OSMR: variants seen among roughly 807,000 people sequenced by gnomAD.
OSMR encodes oncostatin M receptor, also known as oncostatin-M-specific receptor subunit beta.
A neutral mutation model predicts 99.9 loss-of-function variants in OSMR; 81 were observed. The observed-to-expected ratio is 0.81, with a 90% CI of 0.68 to 0.97. The LOEUF is 0.97. OSMR is among the 50% of genes least tolerant of loss of function. OSMR has a pLI of 0.00. For missense variants in OSMR, 1,099 were observed against 1,153.4 expected (o/e 0.95, Z 0.68); for synonymous variants, 406 against 410.4 (o/e 0.99, Z 0.13).
At position 38,854,923 on chromosome 5, in the gene OSMR, T is replaced by C. The variant is rs140216853; in HGVS notation, c.-14+8536T>C. Among the ~76,000 whole-genome samples, 433 of 152,338 alleles carry C rather than the reference T, an allele frequency of 2.8e-3. 2 individuals carry two copies. Among genetic ancestry groups the C allele is most frequent in the African/African-American group, 0.01 (422 of 41,570 alleles). Reference sequence around the variant, plus strand: ...CACTTCCCTGACTTCCTTTTCTCACTGGAAGTTGGAAGTAGCAGTGCTCCT... The same window carrying C: ...CACTTCCCTGACTTCCTTTTCTCACCGGAAGTTGGAAGTAGCAGTGCTCCT... On this transcript the variant is annotated intron_variant, in intron 1 of 17. Transcript: ENST00000274276.
At chr5:38,909,387 C>T in intron 9 of OSMR, among the ~76,000 whole-genome samples, 1 of 152,096 alleles carries the variant, frequency 6.6e-6, no homozygotes, top group East Asian at 1.9e-4. Flanking sequence ...AGGTACTATA[C>T]AAGATGACCA....
chr5:38,944,376 A>G (rs921602865), intron 2 of OSMR: 17 of 1,472,496 alleles, frequency 1.2e-5, no homozygotes, highest in African/African-American at 1.4e-5. Context: ...CTTTTGAAGT[A>G]TTTCAAGTAT....
chr5:38,891,532 G>T (rs1232423506), intron 7 of OSMR, among the ~76,000 whole-genome samples: 1 of 152,206 alleles, frequency 6.6e-6, no homozygotes, highest in African/African-American at 2.4e-5. Context: ...GGACTGGTGT[G>T]GAGCCAGGGG....
At chr5:38,923,940 A>C (rs746637838) in intron 13 of OSMR, among the ~76,000 whole-genome samples, 2 of 152,130 alleles carry the variant, frequency 1.3e-5, no homozygotes, top group Admixed American at 6.5e-5. Flanking sequence ...TTTCAGTGAC[A>C]CTTGGATAAG....
At chr5:38,881,804 A>G in intron 4 of OSMR, 40 bp downstream of exon 4, 1 of 1,523,652 alleles carries the variant, frequency 6.6e-7, no homozygotes, top group African/African-American at 1.4e-5. Context: ...AAGGGTTAAT[A>G]TATTTTTTAA....
chr5:38,939,757 T>C (rs1018180235), downstream of OSMR: 1 of 227,986 alleles, frequency 4.4e-6, no homozygotes, highest in East Asian at 6.4e-5. Flanking sequence ...AACTACAGTA[T>C]TGACATTATT....
chr5:38,876,036 A>T (rs1742800868), intron 2 of OSMR, 165 bp from the exon 3 acceptor site: 1 of 486,640 alleles, frequency 2.1e-6, no homozygotes, highest in East Asian at 1.5e-4. Context: ...CTGCTAAGTG[A>T]TTTCTAAATT....
chr5:38,885,443 G>T lies in OSMR; in HGVS notation c.798G>T (p.Gly266=). The T allele has an allele frequency of 6.2e-7, 1 of 1,614,076 alleles. No individual in the cohort carries two copies. Among genetic ancestry groups the T allele is most frequent in the Non-Finnish European group, 8.5e-7 (1 of 1,179,916 alleles). ...ATCCTGGGACGGACACTGCCTTGGG[G>T]TGGTCTAAACAACCTTCCCAAAGCT... is the stretch of plus-strand genomic sequence containing the variant. ...TWDPGTDTAL[G]WSKQPSQSYT... is the part of the protein sequence containing the mutation. Residue 266 remains glycine (G), a synonymous_variant, in exon 6 of 18, where the codon GGG becomes GGT. Transcript: ENST00000274276.
chr5:38,894,693 A>G (rs1233176931), intron 7 of OSMR, among the ~76,000 whole-genome samples: 1 of 151,298 alleles, frequency 6.6e-6, no homozygotes, highest in Non-Finnish European at 1.5e-5. Flanking sequence ...CCAGGTTCAT[A>G]AAACAAGTAC....
Position 38,931,906 on chromosome 5 carries a change from C to T in OSMR, c.2236C>T (p.Leu746=), listed in dbSNP as rs754902443. 5 of 1,613,508 alleles carry T rather than the reference C, an allele frequency of 3.1e-6. No homozygotes were observed. Among genetic ancestry groups the T allele is most frequent in the Admixed American group, 3.3e-5 (2 of 60,004 alleles). ...AGCCTCGATGCTGATTCATATCCTA[C>T]TGCCCATGGTTTTCTGCGTCTTGCT... ...EHSSMLIHIL[L]PMVFCVLLIM... Residue 746 remains leucine, a synonymous_variant, in exon 16 of 18, where the codon CTG becomes TTG. Coordinates refer to ENST00000274276, the MANE Select transcript of OSMR (RefSeq NM_003999.3).
intron 7 of OSMR, 194 bp downstream of exon 7, chr5:38,886,384 A>G: frequency 1.4e-6 from 2 of 1,405,854 alleles, no homozygotes; most frequent in Non-Finnish European, 1.8e-6. Flanking sequence ...TCTTTTAATA[A>G]TGTCACGAGC....
intron 1 of OSMR, among the ~76,000 whole-genome samples, chr5:38,852,344 A>C (rs904665893): frequency 6.6e-6 from 1 of 152,236 alleles, no homozygotes; most frequent in Non-Finnish European, 1.5e-5. Context: ...TTTCTGGATC[A>C]AGAGAAATAC....
At position 38,903,979 on chromosome 5, in the gene OSMR, A is replaced by G. The variant is rs763736853; in HGVS notation, c.1089A>G (p.Thr363=). ...TGCACTCCATAAGGAATAATTTCAC[A>G]TATTTGTGTCAGATTGAACTCCATG... ...WKVHSIRNNF[T]YLCQIELHGE... is the part of the protein sequence containing the mutation. Residue 363 remains threonine, a synonymous_variant, in exon 8 of 18, where the codon ACA becomes ACG. Transcript: ENST00000274276. 7 of 1,613,964 alleles carry G rather than the reference A, an allele frequency of 4.3e-6. No homozygotes were observed. In the East Asian group the frequency reaches 6.7e-5, roughly 15 times the overall value.
At chr5:38,926,735 C>A (rs1355577524) in intron 15 of OSMR, among the ~76,000 whole-genome samples, 1 of 152,144 alleles carries the variant, frequency 6.6e-6, no homozygotes, top group Non-Finnish European at 1.5e-5. Flanking sequence ...TGGCCCCTTC[C>A]AAATCTCATG....
intron 9 of OSMR, among the ~76,000 whole-genome samples, chr5:38,906,282 G>A (rs1399055437): frequency 1.3e-5 from 2 of 151,606 alleles, no homozygotes; most frequent in African/African-American, 4.8e-5. Context: ...TCTTGAAAAC[G>A]CTTAACTTTG....
At chr5:38,848,240 G>A (rs1740043347) in intron 1 of OSMR, among the ~76,000 whole-genome samples, 1 of 152,096 alleles carries the variant, frequency 6.6e-6, no homozygotes, top group Admixed American at 6.5e-5. Flanking sequence ...AATCCTTCTT[G>A]ATTGCTTAAA....
At chr5:38,897,010 A>G (rs1744564763) in intron 7 of OSMR, among the ~76,000 whole-genome samples, 1 of 152,100 alleles carries the variant, frequency 6.6e-6, no homozygotes, top group African/African-American at 2.4e-5. Context: ...CCACTTGGTC[A>G]TGATGAATGA....
Position 38,885,338 on chromosome 5 carries a change from T to C in OSMR, c.704-11T>C. 1 of 1,613,638 alleles carries C rather than the reference T, an allele frequency of 6.2e-7. No homozygotes were observed. Among genetic ancestry groups the C allele is most frequent in the East Asian group, 2.2e-5 (1 of 44,876 alleles). On this transcript the variant is annotated splice_polypyrimidine_tract_variant and intron_variant, in intron 5 of 17. Transcript: ENST00000274276. Reference sequence around the variant, plus strand: ...AGATTTAACTAGGTCTGTTTTCCTTTGTATGGACAGAAGTACTTGAGGAGC... The same window carrying C: ...AGATTTAACTAGGTCTGTTTTCCTTCGTATGGACAGAAGTACTTGAGGAGC...
chr5:38,853,992 G>A (rs1009874894), intron 1 of OSMR, among the ~76,000 whole-genome samples: 7 of 151,686 alleles, frequency 4.6e-5, no homozygotes, highest in African/African-American at 1.7e-4. Flanking sequence ...TATGCTGTAA[G>A]GCAGAGGCCT....
Sources: allele counts gnomAD v4.1 joint callset (sites outside exome capture counted in the v4.1 genomes callset), GRCh38; gene constraint gnomAD v4.1.1; transcripts MANE v1.5; gene names NCBI Gene and HGNC (gene_info 2026-07-23, HGNC 2026-07-21).